Variants in TCF12 observed in about 807,000 individuals in gnomAD.
TCF12 encodes transcription factor 12.
Under a neutral mutation model 86.0 loss-of-function variants are expected in TCF12, and 45 were observed. That is an observed-to-expected ratio of 0.52 (90% CI 0.41 to 0.67). The LOEUF (loss-of-function observed/expected upper bound fraction) is 0.67. Ranked by LOEUF, TCF12 falls within the 30% of genes least tolerant of loss-of-function variation. TCF12 has a pLI of 0.00. For missense variants in TCF12, 881 were observed against 859.9 expected, an observed-to-expected ratio of 1.02 and a Z score of -0.31; for synonymous variants, 330 against 299.6, an observed-to-expected ratio of 1.10 and a Z score of -1.05.
intron 3 of TCF12, among the ~76,000 whole-genome samples, chr15:56,958,686 T>A (rs200906028): frequency 0.32 from 26,819 of 83,580 alleles, 2,828 homozygotes; most frequent in Non-Finnish European, 0.5. Context: ...AGAGTGTGTG[T>A]GTGTGTGTGT....
At chr15:56,940,753 C>T (rs2060727493) in intron 3 of TCF12, among the ~76,000 whole-genome samples, 1 of 128,740 alleles carries the variant, frequency 7.8e-6, no homozygotes, top group African/African-American at 2.9e-5. Context: ...TCCTCCTTCT[C>T]CTTCTCCTTC....
chr15:57,007,852 C>CCCTCCCTTCCTTCCTTCCTT (rs1265094460), intron 3 of TCF12, among the ~76,000 whole-genome samples: 2 of 101,250 alleles, frequency 2.0e-5, no homozygotes, highest in South Asian at 4.5e-4. Flanking sequence ...CTCTTTCCCT[C>CCCTCCCTTCCTTCCTTCCTT]CCTTCCTTCC....
chr15:57,070,608 A>T (rs1416116381), intron 4 of TCF12, among the ~76,000 whole-genome samples: 3 of 152,216 alleles, frequency 2.0e-5, no homozygotes, highest in Non-Finnish European at 4.4e-5. Context: ...TTCCTGCCAG[A>T]TATGGCTAAA....
chr15:57,011,543 G>A (rs902590335), intron 3 of TCF12, among the ~76,000 whole-genome samples: 11 of 151,918 alleles, frequency 7.2e-5, no homozygotes, highest in African/African-American at 2.2e-4. Context: ...GTGTGAGAAC[G>A]GCTTAATAAA....
At chr15:57,116,768 T>A (rs1391478309) in intron 5 of TCF12, among the ~76,000 whole-genome samples, 1 of 152,228 alleles carries the variant, frequency 6.6e-6, no homozygotes, top group Admixed American at 6.5e-5. Context: ...TAATTGCCAT[T>A]CTCATGTCAC....
intron 5 of TCF12, 38 bp downstream of exon 5, chr15:57,091,929 C>A: frequency 6.5e-7 from 1 of 1,544,248 alleles, no homozygotes; most frequent in Non-Finnish European, 8.9e-7. Flanking sequence ...CTTCTCAAAG[C>A]TTCTTTGGTC....
intron 3 of TCF12, among the ~76,000 whole-genome samples, chr15:56,977,545 CTGTG>C (rs762522296): frequency 6.7e-6 from 1 of 148,154 alleles, no homozygotes. Flanking sequence ...ATTCGATATT[CTGTG>C]TGTGTGTGTG....
chr15:57,135,264 T>G lies in TCF12; in HGVS notation c.326-31138T>G, dbSNP rs142676088. Among the ~76,000 whole-genome samples, 498 of 152,270 alleles carry G rather than the reference T, an allele frequency of 3.3e-3. 2 individuals carry two copies. Among genetic ancestry groups the G allele is most frequent in the African/African-American group, 0.012 (483 of 41,564 alleles). On this transcript the variant is annotated intron_variant, in intron 5 of 20. Coordinates refer to ENST00000333725, the MANE Select transcript of TCF12 (RefSeq NM_207037.2). ...AGAGTTGCATTTATTTTTATTTCCT[T>G]CCTGTAATTGGAAAAAGAACTTTTT... is the stretch of plus-strand genomic sequence containing the variant.
chr15:57,119,290 G>GT (rs753736978), intron 5 of TCF12, among the ~76,000 whole-genome samples: 1 of 150,902 alleles, frequency 6.6e-6, no homozygotes, highest in African/African-American at 2.4e-5. Flanking sequence ...TTGTTTGTTT[G>GT]TTTTTTTGTT....
intron 3 of TCF12, among the ~76,000 whole-genome samples, chr15:56,933,120 T>TG (rs1450983051): frequency 6.6e-6 from 1 of 152,192 alleles, no homozygotes; most frequent in African/African-American, 2.4e-5. Context: ...AATGGTTACT[T>TG]CATAGTATGG....
intron 4 of TCF12, among the ~76,000 whole-genome samples, chr15:57,075,804 T>TTCTCTCTCTCTCTCTC (rs1244304206): frequency 0.012 from 340 of 28,578 alleles, 23 homozygotes; most frequent in Middle Eastern, 0.018. Flanking sequence ...CTTTCTTTCT[T>TTCTCTCTCTCTCTCTC]TCTCTCTCTC....
At chr15:57,097,611 A>G (rs949366809) in intron 5 of TCF12, among the ~76,000 whole-genome samples, 1 of 152,210 alleles carries the variant, frequency 6.6e-6, no homozygotes, top group African/African-American at 2.4e-5. Context: ...AAATGATTAT[A>G]AAGTGTCGAA....
chr15:57,125,030 C>T (rs181974303), intron 5 of TCF12, among the ~76,000 whole-genome samples: 35 of 152,140 alleles, frequency 2.3e-4, no homozygotes, highest in Admixed American at 2.2e-3. Flanking sequence ...TCTTTTTCCG[C>T]GACCGCCGTT....
intron 6 of TCF12, among the ~76,000 whole-genome samples, chr15:57,182,498 G>A (rs2056415008): frequency 6.6e-6 from 1 of 151,908 alleles, no homozygotes; most frequent in African/African-American, 2.4e-5. Flanking sequence ...TTAATTAACA[G>A]GATAAAATAT....
intron 3 of TCF12, among the ~76,000 whole-genome samples, chr15:57,001,708 T>G (rs1254843724): frequency 6.6e-6 from 1 of 152,204 alleles, no homozygotes; most frequent in East Asian, 1.9e-4. Flanking sequence ...AAACATTAAT[T>G]TTTTTGTCAG....
chr15:57,065,263 A>G (rs1244669465), intron 4 of TCF12, among the ~76,000 whole-genome samples: 1 of 152,208 alleles, frequency 6.6e-6, no homozygotes. Context: ...GGATTTTACT[A>G]TCAACTGTAT....
chr15:57,078,204 C>T (rs17819851), intron 4 of TCF12, among the ~76,000 whole-genome samples: 6,084 of 152,258 alleles, frequency 0.04, 190 homozygotes, highest in Middle Eastern at 0.12. Context: ...ATTTGTTCTG[C>T]TTTTGGTGCT....
At chr15:57,197,218 G>C (rs918166739) in intron 7 of TCF12, among the ~76,000 whole-genome samples, 1 of 134,576 alleles carries the variant, frequency 7.4e-6, no homozygotes, top group Non-Finnish European at 1.5e-5. Context: ...GTACAGTAGT[G>C]CCATCTTGGC....
intron 3 of TCF12, among the ~76,000 whole-genome samples, chr15:56,990,073 TAAAATGTATTCAGCAGGC>T (rs1236592585): frequency 6.6e-6 from 1 of 151,848 alleles, no homozygotes; most frequent in Non-Finnish European, 1.5e-5. Context: ...ATTAATACCT[TAAAATGTATTCAGCAGGC>T]AAAAACTTCG....
Sources: gnomAD v4.1 joint callset for allele counts (sites outside exome capture counted in the v4.1 genomes callset) on GRCh38, gnomAD v4.1.1 for gene constraint, MANE v1.5 for transcripts, NCBI Gene and HGNC (gene_info 2026-07-23, HGNC 2026-07-21) for gene names.